Variants in ENTPD4 observed in about 807,000 individuals in gnomAD.
ENTPD4 encodes ectonucleoside triphosphate diphosphohydrolase 4, also known as Golgi UDPase.
A neutral mutation model predicts 79.1 loss-of-function variants in ENTPD4; 60 were observed. The observed-to-expected ratio is 0.76, with a 90% CI of 0.62 to 0.94. The LOEUF (loss-of-function observed/expected upper bound fraction) is 0.94, where lower values mean the gene tolerates loss of function less well. Among genes scored for constraint, ENTPD4 ranks in the 40% least tolerant of loss-of-function variants. The pLI, the probability that ENTPD4 is intolerant of heterozygous loss-of-function variation, is 0.00. For missense variants in ENTPD4, 772 were observed against 775.1 expected (o/e 1.00, Z 0.05); for synonymous variants, 276 against 292.0 (o/e 0.95, Z 0.56).
intron 6 of ENTPD4, among the ~76,000 whole-genome samples, chr8:23,442,398 G>A (rs575633011): frequency 6.6e-6 from 1 of 152,182 alleles, no homozygotes; most frequent in East Asian, 1.9e-4. Context: ...AAAAATTCAA[G>A]GTATCAGCTG....
intron 1 of ENTPD4, among the ~76,000 whole-genome samples, chr8:23,454,663 T>C (rs569807241): frequency 2.4e-3 from 370 of 152,096 alleles, no homozygotes; most frequent in Non-Finnish European, 4.0e-3. Context: ...GAGAGAATGA[T>C]CACAGCGCAC....
intron 9 of ENTPD4, among the ~76,000 whole-genome samples, chr8:23,438,419 A>C (rs1436898713): frequency 6.6e-6 from 1 of 152,248 alleles, no homozygotes; most frequent in African/African-American, 2.4e-5. Context: ...TAATTTAAAA[A>C]AATTAATCAC....
intron 1 of ENTPD4, among the ~76,000 whole-genome samples, chr8:23,456,298 C>T (rs1242490677): frequency 1.3e-5 from 2 of 152,298 alleles, no homozygotes; most frequent in Non-Finnish European, 2.9e-5. Flanking sequence ...GCACTTCCTC[C>T]GAGCCACCAC....
intron 4 of ENTPD4, among the ~76,000 whole-genome samples, chr8:23,445,946 A>T (rs1280819390): frequency 6.6e-6 from 1 of 152,232 alleles, no homozygotes. Context: ...ACATTAGAAA[A>T]TTACAAACCC....
At chr8:23,457,370 G>A (rs942282393) in intron 1 of ENTPD4, among the ~76,000 whole-genome samples, 187 bp downstream of exon 1, 22 of 101,350 alleles carry the variant, frequency 2.2e-4, no homozygotes, top group African/African-American at 9.4e-4. Context: ...GGGGCGCTCG[G>A]ATGTGGCCGC....
Position 23,434,440 on chromosome 8 carries a change from A to C in ENTPD4, c.1499T>G (p.Phe500Cys), listed in dbSNP as rs753585972. The C allele has an allele frequency of 6.2e-7, 1 of 1,614,106 alleles. No individual in the cohort carries two copies. The highest frequency in any genetic ancestry group is 8.5e-7 in the Non-Finnish European group (1 of 1,180,018). ...GACAGGAAACGAAAAGCCCCTATGA[A>C]ACACCTCAAACATCCAGGCCGATTT... ...CFKSAWMFEVFHRGFSFPVNY... is the reference protein window; with the variant it reads ...CFKSAWMFEVCHRGFSFPVNY... The change falls in exon 12 of 13, where the codon TTT (phenylalanine) becomes TGT (cysteine). Residue 500 changes from phenylalanine (F) to cysteine (C), a missense_variant. Physicochemically the swap from Phe to Cys is radical, Grantham distance 205. Transcript: ENST00000358689.
At chr8:23,439,149 C>G (rs1289484392) in intron 9 of ENTPD4, among the ~76,000 whole-genome samples, 1 of 152,074 alleles carries the variant, frequency 6.6e-6, no homozygotes, top group African/African-American at 2.4e-5. Context: ...CAATAGAGTG[C>G]TGTTTTGTTT....
chr8:23,430,231 C>G lies in ENTPD4; in HGVS notation c.*2695G>C, dbSNP rs1800431267. The G allele has an allele frequency of 1.0e-6, 1 of 985,356 alleles. No homozygotes were observed. The highest frequency in any genetic ancestry group is 1.2e-6 in the Non-Finnish European group (1 of 829,962). The allele number at this position is 985,356 out of a possible 1,614,324, so 61.0% of individuals were successfully genotyped here. The stretch of plus-strand genomic sequence containing the variant: ...TGTGATTTGCTGCGACTGCAGACAT[C>G]TCCATACGGCATAATGAACTCCCTT... On this transcript the variant is annotated 3_prime_UTR_variant, in exon 13 of 13. Transcript: ENST00000358689.
chr8:23,434,534 C>A, intron 11 of ENTPD4, 56 bp from the exon 12 acceptor site: 1 of 1,428,150 alleles, frequency 7.0e-7, no homozygotes, highest in African/African-American at 1.4e-5. Context: ...CAAGATGGCA[C>A]ACACACACAC....
At chr8:23,435,121 G>T (rs1047519271) in intron 11 of ENTPD4, among the ~76,000 whole-genome samples, 4 of 152,214 alleles carry the variant, frequency 2.6e-5, no homozygotes, top group Admixed American at 2.0e-4. Flanking sequence ...ACAGCCTCTG[G>T]CTGGACTCTG....
rs754786401 is a variant in ENTPD4 at position 23,449,363 on chromosome 8, G to A, written c.9-424C>T. On this transcript the variant is annotated intron_variant, in intron 2 of 12. Transcript: ENST00000358689. ...AGGCATGTCGTAAGCTGGGCCTGCT[G>A]CAAATACGACTGAGCTCATTGCCCA... 2.0e-5 allele frequency among the ~76,000 whole-genome samples: 3 copies of A among 152,162 alleles called. No individual in the cohort carries two copies. The East Asian group carries it at 5.8e-4, about 29-fold the overall frequency.
intron 3 of ENTPD4, among the ~76,000 whole-genome samples, 154 bp downstream of exon 3, chr8:23,448,588 T>C (rs531846213): frequency 6.6e-6 from 1 of 152,278 alleles, no homozygotes; most frequent in South Asian, 2.1e-4. Context: ...CTATGGCACC[T>C]TGATCGTGGA....
In ENTPD4 at chr8:23,430,936, T is replaced by C. The variant is rs1396284503; in HGVS notation, c.*1990A>G. 28 of 985,468 alleles carry C rather than the reference T, an allele frequency of 2.8e-5. No homozygotes were observed. The highest frequency in any genetic ancestry group is 3.4e-5 in the Non-Finnish European group (28 of 829,950). 61.0% of individuals were successfully genotyped at this position (985,468 alleles called of 1,614,324 possible). On this transcript the variant is annotated 3_prime_UTR_variant, in exon 13 of 13. Transcript: ENST00000358689. ...AAGCTCACCCCTTTCTTAACAACTT[T>C]GACCACGAAGCGCAAATACGATGCA...
Position 23,433,023 on chromosome 8 carries a change from A to G in ENTPD4, c.1754T>C (p.Leu585Pro). 1 of 1,614,094 alleles carries G rather than the reference A, an allele frequency of 6.2e-7. No homozygotes were observed. The change falls in exon 13 of 13, where the codon CTG becomes CCG. Residue 585 changes from leucine (L) to proline (P), a missense_variant. Physicochemically the swap from Leu to Pro is moderately conservative, Grantham distance 98. Coordinates refer to ENST00000358689, the MANE Select transcript of ENTPD4 (RefSeq NM_004901.5). ...GGGAGTGCGCCTGTGGATGCGCCGC[A>G]GCCGCAGCAGGTACAGCAGGATGGC... is the stretch of plus-strand genomic sequence containing the variant. ...LLAILLYLLR[L>P]RRIHRRTPRS...
Position 23,431,292 on chromosome 8 carries a change from T to C in ENTPD4, c.*1634A>G. On this transcript the variant is annotated 3_prime_UTR_variant, in exon 13 of 13. Transcript: ENST00000358689. ...TTATAATATCCTCAGTTATCTGTTA[T>C]AGCAACAACCCCACTTCTGGGTACT... The C allele has an allele frequency of 7.3e-6, 7 of 958,004 alleles. No homozygotes were observed. The highest frequency in any genetic ancestry group is 5.3e-4 in the Middle Eastern group (1 of 1,872). 59.3% of individuals were successfully genotyped at this position (958,004 alleles called of 1,614,324 possible). A position where few individuals can be genotyped will look rare whatever the true frequency, so the allele number is the denominator to read the frequency against.
At chr8:23,449,552 G>A (rs907471386) in intron 2 of ENTPD4, among the ~76,000 whole-genome samples, 1 of 152,094 alleles carries the variant, frequency 6.6e-6, no homozygotes, top group Non-Finnish European at 1.5e-5. Flanking sequence ...TGTACTTTTA[G>A]AAATATTCCC....
Position 23,441,750 on chromosome 8 carries a change from G to C in ENTPD4, c.728-27C>G, listed in dbSNP as rs1181061907. 4 of 1,610,680 alleles carry C rather than the reference G, an allele frequency of 2.5e-6. No homozygotes were observed. The South Asian group carries it at 4.4e-5, about 18-fold the overall frequency. On this transcript the variant is annotated intron_variant, in intron 7 of 12. Transcript: ENST00000358689. ...TAGAAAGAACAGAAAGTGTTCACTG[G>C]AACAGAACTAATCCAGAGAACTGGG...
At position 23,431,331 on chromosome 8, in the gene ENTPD4, C is replaced by A; in HGVS notation, c.*1595G>T. The A allele has an allele frequency of 1.0e-6, 1 of 985,112 alleles. No individual in the cohort carries two copies. Among genetic ancestry groups the A allele is most frequent in the Non-Finnish European group, 1.2e-6 (1 of 829,690 alleles). The allele number at this position is 985,112 out of a possible 1,614,324, so 61.0% of individuals were successfully genotyped here. ...CTTCTGGGTACTAATCTGCTACCAA[C>A]TACAGGAATTTAACTGTTCTGGAGT... On this transcript the variant is annotated 3_prime_UTR_variant, in exon 13 of 13. Transcript: ENST00000358689.
intron 1 of ENTPD4, among the ~76,000 whole-genome samples, chr8:23,457,214 G>A (rs1800973912): frequency 6.6e-6 from 1 of 152,216 alleles, no homozygotes; most frequent in African/African-American, 2.4e-5. Flanking sequence ...GCTGGGTCCC[G>A]GGTGCAGCAT....
Sources: allele counts gnomAD v4.1 joint callset (sites outside exome capture counted in the v4.1 genomes callset), GRCh38; gene constraint gnomAD v4.1.1; transcripts MANE v1.5; gene names NCBI Gene and HGNC (gene_info 2026-07-23, HGNC 2026-07-21).